PRDM14: variants seen among roughly 807,000 people sequenced by gnomAD.
PRDM14 encodes PR domain zinc finger protein 14.
PRDM14 carries 16 observed loss-of-function variants against 48.0 expected under a neutral mutation model. That is an observed-to-expected ratio of 0.33 (90% CI 0.23 to 0.51). The LOEUF (loss-of-function observed/expected upper bound fraction) is 0.51. Ranked by LOEUF, PRDM14 falls within the 20% of genes least tolerant of loss-of-function variation. The pLI, the probability that PRDM14 is intolerant of heterozygous loss-of-function variation, is 0.97. For synonymous variants in PRDM14, 264 were observed against 276.6 expected (o/e 0.95, Z 0.45); for missense variants, 566 against 719.6 (o/e 0.79, Z 2.44).
chr8:70,066,184 A>C (rs1805663300), intron 5 of PRDM14, 51 bp downstream of exon 5: 6 of 1,581,974 alleles, frequency 3.8e-6, no homozygotes, highest in Non-Finnish European at 5.2e-6. Flanking sequence ...AAAAGAGCCC[A>C]GTCCTTCTAC....
intron 6 of PRDM14, among the ~76,000 whole-genome samples, chr8:70,057,707 G>A (rs1315753326): frequency 6.6e-6 from 1 of 152,112 alleles, no homozygotes; most frequent in Non-Finnish European, 1.5e-5. Flanking sequence ...CAGAATACTG[G>A]ATAGTTTTCA....
chr8:70,069,589 T>C lies in PRDM14; in HGVS notation c.272A>G (p.Asp91Gly), dbSNP rs953219785. The C allele has an allele frequency of 2.5e-6, 4 of 1,597,478 alleles. No homozygotes were observed. The highest frequency in any genetic ancestry group is 1.1e-5 in the South Asian group (1 of 89,302). The change falls in exon 2 of 8, where the codon GAT becomes GGT. Residue 91 changes from aspartate to glycine, a missense_variant. By Grantham distance (94) the Asp-to-Gly change is moderately conservative. Around this residue, in one of 3 missense-constraint regions of PRDM14, gnomAD observed 410 missense variants for 424.6 expected, o/e 0.97. Coordinates refer to ENST00000276594, the MANE Select transcript of PRDM14 (RefSeq NM_024504.4). Reference sequence around the variant, plus strand: ...TGGCAGCTTGCTGTACCAGGGCAGATCGTAGAGAGGCTCCCTCTGTAGGCC... The same window carrying C: ...TGGCAGCTTGCTGTACCAGGGCAGACCGTAGAGAGGCTCCCTCTGTAGGCC... ...GLGLQREPLY[D>G]LPWYSKLPPW...
At chr8:70,053,669 T>C (rs1451895547) in intron 7 of PRDM14, among the ~76,000 whole-genome samples, 3 of 152,090 alleles carry the variant, frequency 2.0e-5, no homozygotes, top group Non-Finnish European at 4.4e-5. Flanking sequence ...GGATTACAGG[T>C]GTGAGCCACC....
intron 4 of PRDM14, among the ~76,000 whole-genome samples, chr8:70,067,914 A>G (rs1805698342): frequency 6.6e-6 from 1 of 152,156 alleles, no homozygotes. Flanking sequence ...TCAGCACTCT[A>G]TAATATCTAA....
At chr8:70,064,479 A>G (rs1021246931) in intron 5 of PRDM14, among the ~76,000 whole-genome samples, 1 of 151,572 alleles carries the variant, frequency 6.6e-6, no homozygotes, top group African/African-American at 2.4e-5. Flanking sequence ...CCTGCCCTGA[A>G]GCATCTCAGC....
chr8:70,059,240 C>T (rs969542225), intron 5 of PRDM14, among the ~76,000 whole-genome samples: 1 of 152,016 alleles, frequency 6.6e-6, no homozygotes, highest in Non-Finnish European at 1.5e-5. Context: ...CATGCGTGAG[C>T]CACTGTGCCT....
At chr8:70,060,445 T>C (rs1230084222) in intron 5 of PRDM14, among the ~76,000 whole-genome samples, 1 of 151,848 alleles carries the variant, frequency 6.6e-6, no homozygotes, top group Non-Finnish European at 1.5e-5. Context: ...CACATTGTCA[T>C]ACCTAAACGA....
In PRDM14 at chr8:70,058,585, G is replaced by T. The variant is rs1186764450; in HGVS notation, c.1386+55C>A. ...ACAAGGCAACTCCCCGTGTTCAGGA[G>T]CTTGGGAAGGGAGAGAGAACGTGAT... On this transcript the variant is annotated intron_variant, in intron 6 of 7. Transcript: ENST00000276594. The T allele has an allele frequency of 2.0e-5, 30 of 1,517,364 alleles. No individual in the cohort carries two copies. In the African/African-American group the frequency reaches 3.7e-4, roughly 19 times the overall value. The allele number at this position is 1,517,364 out of a possible 1,614,324, so 94.0% of individuals were successfully genotyped here. A position where few individuals can be genotyped will look rare whatever the true frequency, so the allele number is the denominator to read the frequency against.
intron 1 of PRDM14, 47 bp from the exon 2 acceptor site, chr8:70,069,931 G>T: frequency 8.0e-7 from 1 of 1,251,286 alleles, no homozygotes; most frequent in Non-Finnish European, 1.1e-6. Flanking sequence ...GGAGCTTCCC[G>T]GGGTCCGACC....
intron 7 of PRDM14, 119 bp downstream of exon 7, chr8:70,055,181 G>A (rs1805453141): frequency 1.8e-6 from 1 of 564,344 alleles, no homozygotes; most frequent in African/African-American, 1.9e-5. Flanking sequence ...ATGAGGACTG[G>A]GCTGATATTT....
intron 5 of PRDM14, among the ~76,000 whole-genome samples, chr8:70,059,364 C>T (rs1356507478): frequency 2.0e-5 from 3 of 150,784 alleles, no homozygotes; most frequent in Non-Finnish European, 4.4e-5. Flanking sequence ...CTCCACCTCC[C>T]GGGTTCAAGT....
chr8:70,067,078 C>A (rs1320515510), intron 4 of PRDM14, among the ~76,000 whole-genome samples: 2 of 152,084 alleles, frequency 1.3e-5, no homozygotes, highest in African/African-American at 4.8e-5. Flanking sequence ...TTCTTGCTTC[C>A]CAAATTCCTA....
At position 70,068,537 on chromosome 8, in the gene PRDM14, C is replaced by T; in HGVS notation, c.701-5G>A. Reference sequence around the variant, plus strand: ...TTTGAGGAAGAGAATCAGATCCTAGCAAAAGGCAGGTTAAAACAATTTTTC... The same window carrying T: ...TTTGAGGAAGAGAATCAGATCCTAGTAAAAGGCAGGTTAAAACAATTTTTC... On this transcript the variant is annotated splice_region_variant and splice_polypyrimidine_tract_variant and intron_variant, in intron 2 of 7. Coordinates refer to ENST00000276594, the MANE Select transcript of PRDM14 (RefSeq NM_024504.4). 2 of 1,613,894 alleles carry T rather than the reference C, an allele frequency of 1.2e-6. No homozygotes were observed. Among genetic ancestry groups the T allele is most frequent in the African/African-American group, 2.7e-5 (2 of 75,034 alleles).
intron 6 of PRDM14, among the ~76,000 whole-genome samples, chr8:70,055,795 C>T (rs187989263): frequency 1.3e-4 from 20 of 152,284 alleles, no homozygotes; most frequent in Admixed American, 1.1e-3. Flanking sequence ...AGCCACGGCA[C>T]CCGACCTGAG....
At chr8:70,067,116 A>T (rs1805682028) in intron 4 of PRDM14, among the ~76,000 whole-genome samples, 1 of 152,258 alleles carries the variant, frequency 6.6e-6, no homozygotes, top group Non-Finnish European at 1.5e-5. Context: ...TTTCATAAGC[A>T]GAGGTAAGTG....
At chr8:70,053,729 A>G (rs1295961409) in intron 7 of PRDM14, among the ~76,000 whole-genome samples, 2 of 152,140 alleles carry the variant, frequency 1.3e-5, no homozygotes, top group African/African-American at 2.4e-5. Context: ...CATTCTATTG[A>G]CACACACTTT....
At chr8:70,052,724 G>T (rs1805407722) in intron 7 of PRDM14, among the ~76,000 whole-genome samples, 1 of 151,894 alleles carries the variant, frequency 6.6e-6, no homozygotes, top group Non-Finnish European at 1.5e-5. Context: ...AATTAGTCAG[G>T]CATGCTATCG....
chr8:70,055,248 A>G, intron 7 of PRDM14, 52 bp downstream of exon 7: 2 of 1,009,088 alleles, frequency 2.0e-6, no homozygotes, highest in Non-Finnish European at 3.1e-6. Context: ...TCTTATCCAT[A>G]GACACTCAAG....
At position 70,069,544 on chromosome 8, in the gene PRDM14, T is replaced by TG. The variant is rs745563174; in HGVS notation, c.316dup (p.His106ProfsTer22). The TG allele has an allele frequency of 6.2e-7, 1 of 1,608,264 alleles. No homozygotes were observed. The highest frequency in any genetic ancestry group is 8.5e-7 in the Non-Finnish European group (1 of 1,177,046). On this transcript the variant is annotated frameshift_variant, in exon 2 of 8. Coordinates refer to ENST00000276594, the MANE Select transcript of PRDM14 (RefSeq NM_024504.4). LOFTEE classifies it high-confidence loss of function. ...GAAGGGCGGCACTTCCCTGGGGACG[T>TG]GGGGAATTGGGTACCACGGTGGCAG... is the stretch of plus-strand genomic sequence containing the variant.
Sources: gnomAD v4.1 joint callset for allele counts (sites outside exome capture counted in the v4.1 genomes callset) on GRCh38, gnomAD v4.1.1 for gene constraint, gnomAD v4.1.1 regional missense constraint, MANE v1.5 for transcripts, NCBI Gene and HGNC (gene_info 2026-07-23, HGNC 2026-07-21) for gene names.